Variants in KIAA1217 observed in about 807,000 individuals in gnomAD.
The protein encoded by KIAA1217 is KIAA1217, also known as sickle tail protein homolog.
A neutral mutation model predicts 163.9 loss-of-function variants in KIAA1217; 88 were observed. The observed-to-expected ratio is 0.54, with a 90% CI of 0.45 to 0.64. The LOEUF (loss-of-function observed/expected upper bound fraction) is 0.64, where lower values mean the gene tolerates loss of function less well. KIAA1217 is among the 30% of genes least tolerant of loss of function. The pLI is 0.00. For missense variants in KIAA1217, 2,372 were observed against 2,475.0 expected (o/e 0.96, Z 0.88); for synonymous variants, 903 against 923.1 (o/e 0.98, Z 0.39).
intron 5 of KIAA1217, among the ~76,000 whole-genome samples, chr10:24,443,752 T>C (rs567563069): frequency 2.6e-5 from 4 of 152,332 alleles, no homozygotes; most frequent in African/African-American, 7.2e-5. Flanking sequence ...CTGGTAATTC[T>C]GTTAGGCATA....
At chr10:24,499,082 A>C (rs1344167281) in intron 8 of KIAA1217, among the ~76,000 whole-genome samples, 1 of 152,202 alleles carries the variant, frequency 6.6e-6, no homozygotes, top group African/African-American at 2.4e-5. Context: ...TTGTTATCAG[A>C]AATGATATGG....
intron 1 of KIAA1217, among the ~76,000 whole-genome samples, chr10:23,730,911 C>T (rs1036400830): frequency 1.3e-5 from 2 of 152,058 alleles, no homozygotes; most frequent in Non-Finnish European, 2.9e-5. Flanking sequence ...TTCAGATTTT[C>T]TTCATAGACT....
chr10:24,537,591 A>T (rs1352086753), intron 17 of KIAA1217, among the ~76,000 whole-genome samples: 5 of 151,882 alleles, frequency 3.3e-5, no homozygotes, highest in African/African-American at 1.2e-4. Flanking sequence ...AAAAAAAAAA[A>T]AGTAAAAACC....
intron 2 of KIAA1217, among the ~76,000 whole-genome samples, chr10:24,310,833 C>A (rs750145561): frequency 4.1e-4 from 63 of 152,092 alleles, no homozygotes; most frequent in Non-Finnish European, 7.8e-4. Context: ...CCCATCTCTA[C>A]AAAAAATGCA....
chr10:24,544,388 A>T lies in KIAA1217; in HGVS notation c.5118A>T (p.Ile1706=), dbSNP rs939782922. 9.9e-6 allele frequency: 16 copies of T among 1,614,042 alleles called. No homozygotes were observed. The highest frequency in any genetic ancestry group is 1.3e-5 in the Non-Finnish European group (15 of 1,180,008). Reference sequence around the variant, plus strand: ...ATTCTGTTGCAAGTTCATCCCACATAGCCCAAGAGGCCTCTCCCCGACCCT... The same window carrying T: ...ATTCTGTTGCAAGTTCATCCCACATTGCCCAAGAGGCCTCTCCCCGACCCT... ...NRDSVASSSH[I]AQEASPRPLL... is the part of the protein sequence containing the mutation. The change falls in exon 19 of 21, where the codon ATA becomes ATT. Residue 1706 remains isoleucine (I), a synonymous_variant. Coordinates refer to ENST00000376454, the MANE Select transcript of KIAA1217 (RefSeq NM_019590.5).
intron 1 of KIAA1217, among the ~76,000 whole-genome samples, chr10:23,846,946 G>C (rs193148239): frequency 8.5e-5 from 13 of 152,146 alleles, no homozygotes; most frequent in African/African-American, 2.7e-4. Context: ...TAGCATGAAG[G>C]GATGTTGAAT....
chr10:24,008,453 G>A (rs1036430171), intron 2 of KIAA1217, among the ~76,000 whole-genome samples: 3 of 152,096 alleles, frequency 2.0e-5, no homozygotes, highest in Non-Finnish European at 4.4e-5. Flanking sequence ...TTGCAAAATA[G>A]CTTCTGAATT....
rs576327695 is a variant in KIAA1217, at chr10:23,803,459, G to T, written c.-321+108225G>T. On this transcript the variant is annotated intron_variant, in intron 1 of 18. Transcript: ENST00000376462. ...CCATGCCTCAATCTGGGACATCTCTGAAAGGGCATCTCAGCCCCATCGCTT... is the reference window on the plus strand; with the variant it reads ...CCATGCCTCAATCTGGGACATCTCTTAAAGGGCATCTCAGCCCCATCGCTT... 2.6e-5 allele frequency among the ~76,000 whole-genome samples: 4 copies of T among 152,316 alleles called. No individual in the cohort carries two copies. The East Asian group carries it at 7.7e-4, about 29-fold the overall frequency.
In KIAA1217 at chr10:23,993,114, T is replaced by A. The variant is rs568013810; in HGVS notation, c.-320-14111T>A. ...TGGTGAGATCTCGGCTCACTGCAAC[T>A]TCTGCCTCCCGGATTCAAGCAATTC... is the stretch of plus-strand genomic sequence containing the variant. On this transcript the variant is annotated intron_variant, in intron 1 of 18. Coordinates refer to the KIAA1217 transcript ENST00000376462. Among the ~76,000 whole-genome samples the A allele has an allele frequency of 4.2e-5, 6 of 142,668 alleles. No individual in the cohort carries two copies. The South Asian group carries it at 1.4e-3, about 33-fold the overall frequency. 93.6% of individuals were successfully genotyped at this position (142,668 alleles called of 152,430 possible). A position where few individuals can be genotyped will look rare whatever the true frequency, so the allele number is the denominator to read the frequency against.
chr10:23,834,193 C>T lies in KIAA1217; in HGVS notation c.-321+138959C>T, dbSNP rs542375795. ...TTGTTTTATCTTTTCTATCTGCTCACCCCTGGGCTCCTAGTTCAGAACCAG... is the reference window on the plus strand; with the variant it reads ...TTGTTTTATCTTTTCTATCTGCTCATCCCTGGGCTCCTAGTTCAGAACCAG... On this transcript the variant is annotated intron_variant, in intron 1 of 18. Coordinates refer to the KIAA1217 transcript ENST00000376462. 1.3e-3 allele frequency among the ~76,000 whole-genome samples: 201 copies of T among 152,236 alleles called. 2 individuals carry two copies. Among genetic ancestry groups the T allele is most frequent in the Admixed American group, 4.1e-3 (63 of 15,274 alleles).
At chr10:24,045,987 T>C (rs576056046) in intron 2 of KIAA1217, among the ~76,000 whole-genome samples, 16 of 152,308 alleles carry the variant, frequency 1.1e-4, no homozygotes, top group Admixed American at 1.0e-3. Flanking sequence ...TATATGTCAA[T>C]AATTTTATTC....
intron 5 of KIAA1217, among the ~76,000 whole-genome samples, chr10:24,459,215 T>G (rs1330156802): frequency 3.9e-5 from 6 of 152,158 alleles, no homozygotes; most frequent in Non-Finnish European, 7.3e-5. Context: ...ATGCCTTAGT[T>G]CCTGCCTGGA....
intron 2 of KIAA1217, among the ~76,000 whole-genome samples, chr10:24,079,913 T>C (rs904069774): frequency 3.3e-5 from 5 of 152,208 alleles, no homozygotes; most frequent in African/African-American, 1.2e-4. Flanking sequence ...CACAACATCC[T>C]GGCACATCCA....
chr10:24,157,862 G>A (rs1449664849), intron 2 of KIAA1217: 1 of 556,460 alleles, frequency 1.8e-6, no homozygotes, highest in Admixed American at 2.8e-5. Flanking sequence ...GGAACTCCAG[G>A]TGCCTGCATT....
rs200193590 is a variant in KIAA1217 at position 24,543,518 on chromosome 10, C to T, written c.4248C>T (p.Ile1416=). Residue 1416 remains isoleucine (I), a synonymous_variant, in exon 19 of 21, where the codon ATC becomes ATT. Transcript: ENST00000376454. ...GAGAAGACATACAGACGGTTAATAT[C>T]GATGCCAGAAAAGAGATGACCCCCC... The part of the protein sequence containing the change: ...QKGEDIQTVN[I]DARKEMTPRQ... 2.6e-4 allele frequency: 427 copies of T among 1,614,006 alleles called. No homozygotes were observed. The Admixed American group carries it at 2.7e-3, about 10-fold the overall frequency.
chr10:24,190,022 A>G (rs1007368904), intron 2 of KIAA1217, among the ~76,000 whole-genome samples: 15 of 148,298 alleles, frequency 1.0e-4, no homozygotes, highest in African/African-American at 3.5e-4. Flanking sequence ...CTCTGTCTCT[A>G]TTTAAAAAAA....
intron 1 of KIAA1217, among the ~76,000 whole-genome samples, chr10:23,921,081 G>A (rs533855801): frequency 6.6e-6 from 1 of 152,218 alleles, no homozygotes; most frequent in South Asian, 2.1e-4. Context: ...GAAGTCTCAG[G>A]TGTTTCTTCA....
At chr10:23,979,310 A>G (rs1332631879) in intron 1 of KIAA1217, among the ~76,000 whole-genome samples, 1 of 152,208 alleles carries the variant, frequency 6.6e-6, no homozygotes, top group Non-Finnish European at 1.5e-5. Context: ...CCAAGTTGAC[A>G]TAGCCAGTCC....
chr10:24,417,840 G>A (rs374180857), intron 3 of KIAA1217, among the ~76,000 whole-genome samples: 22 of 147,076 alleles, frequency 1.5e-4, no homozygotes, highest in African/African-American at 5.1e-4. Context: ...GTTTATATTT[G>A]TTGTCAAAGA....
Sources: gnomAD v4.1 joint callset for allele counts (sites outside exome capture counted in the v4.1 genomes callset) on GRCh38, gnomAD v4.1.1 for gene constraint, MANE v1.5 for transcripts, NCBI Gene and HGNC (gene_info 2026-07-23, HGNC 2026-07-21) for gene names.